PTGER3: variants seen among roughly 807,000 people sequenced by gnomAD.
The protein encoded by PTGER3 is prostaglandin E receptor 3, also known as prostaglandin E2 receptor EP3 subtype.
Under a neutral mutation model 34.7 loss-of-function variants are expected in PTGER3, and 22 were observed. The observed-to-expected ratio is 0.63, with a 90% CI of 0.45 to 0.91. The LOEUF is 0.91. PTGER3 is among the 40% of genes least tolerant of loss of function. PTGER3 has a pLI of 0.00. For missense variants in PTGER3, 468 were observed against 519.4 expected (o/e 0.90, Z 0.96); for synonymous variants, 241 against 230.1 (o/e 1.05, Z -0.43).
chr1:70,855,922 G>A (rs1645791793), intron 4 of PTGER3, among the ~76,000 whole-genome samples: 3 of 152,134 alleles, frequency 2.0e-5, no homozygotes, highest in South Asian at 4.1e-4. Context: ...AGTTCTGAGA[G>A]GAGCGATATG....
At chr1:71,024,001 CTT>C (rs1169432989) in intron 1 of PTGER3, among the ~76,000 whole-genome samples, 2 of 149,886 alleles carry the variant, frequency 1.3e-5, no homozygotes, top group Non-Finnish European at 2.9e-5. Flanking sequence ...AAATTTTAAT[CTT>C]GTTATTCCAC....
At chr1:70,975,818 A>G (rs1230147551) in intron 2 of PTGER3, among the ~76,000 whole-genome samples, 1 of 152,174 alleles carries the variant, frequency 6.6e-6, no homozygotes, top group Non-Finnish European at 1.5e-5. Flanking sequence ...AAAGGAGAAC[A>G]GGTTTTTGGG....
At chr1:70,907,329 G>A (rs1646970289) in intron 4 of PTGER3, among the ~76,000 whole-genome samples, 1 of 152,202 alleles carries the variant, frequency 6.6e-6, no homozygotes, top group East Asian at 1.9e-4. Flanking sequence ...TAGAGATTAG[G>A]GGATAATGAG....
At chr1:70,924,559 A>T (rs1474691725) in intron 4 of PTGER3, among the ~76,000 whole-genome samples, 1 of 152,160 alleles carries the variant, frequency 6.6e-6, no homozygotes, top group Non-Finnish European at 1.5e-5. Flanking sequence ...ATCAGCTAAC[A>T]GTCCCATATT....
chr1:70,999,558 A>G (rs1191545888), intron 2 of PTGER3, among the ~76,000 whole-genome samples: 1 of 152,220 alleles, frequency 6.6e-6, no homozygotes, highest in African/African-American at 2.4e-5. Flanking sequence ...AAAATTAAGC[A>G]GGGAGAGATG....
chr1:71,043,188 A>C (rs1049947761), intron 1 of PTGER3, among the ~76,000 whole-genome samples: 5 of 152,252 alleles, frequency 3.3e-5, no homozygotes, highest in Admixed American at 6.5e-5. Flanking sequence ...ATAATGATAA[A>C]AATCAAATAG....
chr1:70,979,193 G>C (rs1654001336), intron 2 of PTGER3, among the ~76,000 whole-genome samples: 1 of 151,914 alleles, frequency 6.6e-6, no homozygotes, highest in Admixed American at 6.6e-5. Flanking sequence ...GTAAACCAGA[G>C]TCAGCCACAA....
At chr1:70,921,654 T>A (rs866318318) in intron 4 of PTGER3, among the ~76,000 whole-genome samples, 98 of 147,820 alleles carry the variant, frequency 6.6e-4, no homozygotes, top group African/African-American at 2.4e-3. Flanking sequence ...TAAAAAAAAA[T>A]AAATAAATAA....
intron 4 of PTGER3, among the ~76,000 whole-genome samples, chr1:70,900,577 G>A (rs897794095): frequency 2.0e-5 from 3 of 152,162 alleles, no homozygotes; most frequent in Admixed American, 6.5e-5. Context: ...TAAACACAGT[G>A]TGTTGAGCAT....
chr1:71,028,766 T>TAA (rs1163385065), intron 1 of PTGER3, among the ~76,000 whole-genome samples: 1 of 152,208 alleles, frequency 6.6e-6, no homozygotes, highest in Admixed American at 6.5e-5. Flanking sequence ...TTGTCTCTCT[T>TAA]ACAGTTGTCT....
chr1:70,995,518 T>G (rs764753958), intron 2 of PTGER3, among the ~76,000 whole-genome samples: 1 of 152,188 alleles, frequency 6.6e-6, no homozygotes, highest in African/African-American at 2.4e-5. Flanking sequence ...AAGTGATATT[T>G]GAGCTGAAGT....
intron 2 of PTGER3, among the ~76,000 whole-genome samples, chr1:70,977,324 T>C (rs2100704580): frequency 6.6e-6 from 1 of 152,270 alleles, no homozygotes; most frequent in African/African-American, 2.4e-5. Context: ...GGATGCCTGA[T>C]GCCTGTATTC....
Position 70,939,303 on chromosome 1 carries a change from G to A in PTGER3, c.*23+14460C>T, listed in dbSNP as rs570351947. Among the ~76,000 whole-genome samples the A allele has an allele frequency of 9.2e-5, 14 of 152,322 alleles. No homozygotes were observed. The South Asian group carries it at 2.9e-3, about 32-fold the overall frequency. On this transcript the variant is annotated intron_variant, in intron 4 of 4. Coordinates refer to the PTGER3 transcript ENST00000370931. ...CACTTCTGTGGCTTTACAGGGTACA[G>A]CCTCCCTCCCAGCTGCTTTCATGAG...
At chr1:70,978,000 TTTG>T (rs1653878015) in intron 2 of PTGER3, among the ~76,000 whole-genome samples, 1 of 152,156 alleles carries the variant, frequency 6.6e-6, no homozygotes, top group Non-Finnish European at 1.5e-5. Context: ...CATTTAATTA[TTTG>T]TAATCGGTAC....
chr1:70,943,227 G>A (rs997248244), intron 4 of PTGER3, among the ~76,000 whole-genome samples: 3 of 152,168 alleles, frequency 2.0e-5, no homozygotes, highest in Non-Finnish European at 2.9e-5. Flanking sequence ...ATGGATAAAT[G>A]TTCATTAGAA....
intron 1 of PTGER3, among the ~76,000 whole-genome samples, chr1:71,034,633 A>C (rs938163254): frequency 1.3e-5 from 2 of 152,212 alleles, no homozygotes; most frequent in Non-Finnish European, 2.9e-5. Context: ...GCTCTAACTA[A>C]TCCAAGAGCT....
At chr1:70,952,419 T>C, downstream of PTGER3, 4 of 985,344 alleles carry the variant, frequency 4.1e-6, no homozygotes, top group Non-Finnish European at 4.8e-6. Flanking sequence ...GTGGAAGTTT[T>C]TTGCCAGTCT....
intron 4 of PTGER3, among the ~76,000 whole-genome samples, chr1:70,876,853 T>C (rs1397721585): frequency 6.6e-6 from 1 of 152,340 alleles, no homozygotes; most frequent in Non-Finnish European, 1.5e-5. Context: ...TTTTGATTAC[T>C]GTAGCCTTGT....
chr1:71,003,543 G>A (rs996186043), intron 2 of PTGER3, among the ~76,000 whole-genome samples: 27 of 152,004 alleles, frequency 1.8e-4, no homozygotes, highest in African/African-American at 6.5e-4. Flanking sequence ...TTTTTAAATG[G>A]GTCTTTCACT....
Sources: gnomAD v4.1 joint callset for allele counts (sites outside exome capture counted in the v4.1 genomes callset) on GRCh38, gnomAD v4.1.1 for gene constraint, MANE v1.5 for transcripts, NCBI Gene and HGNC (gene_info 2026-07-23, HGNC 2026-07-21) for gene names.